Variants in MGAT3 observed in about 807,000 individuals in gnomAD.
MGAT3 encodes the protein beta-1,4-mannosyl-glycoprotein 4-beta-N-acetylglucosaminyltransferase.
Under a neutral mutation model 29.8 loss-of-function variants are expected in MGAT3, and 9 were observed. The ratio of observed to expected loss-of-function variants is 0.30; its 90% confidence interval spans 0.18 to 0.53. The LOEUF (loss-of-function observed/expected upper bound fraction) is 0.53. Among genes scored for constraint, MGAT3 ranks in the 20% least tolerant of loss-of-function variants. MGAT3 has a pLI of 0.96. For missense variants in MGAT3, 557 were observed against 769.5 expected, an observed-to-expected ratio of 0.72 and a Z score of 3.27; for synonymous variants, 397 against 348.9, an observed-to-expected ratio of 1.14 and a Z score of -1.54.
intron 1 of MGAT3, among the ~76,000 whole-genome samples, chr22:39,474,465 TTGAGGCCCTGTGTGCCTGTGGGGG>T (rs1928894663): frequency 6.6e-6 from 1 of 152,168 alleles, no homozygotes; most frequent in Admixed American, 6.5e-5. Flanking sequence ...AGCTGCGAGT[TTGAGGCCCTGTGTGCCTGTGGGGG>T]TGGAATGAAG....
At position 39,490,371 on chromosome 22, in the gene MGAT3, C is replaced by T. The variant is rs1255129766; in HGVS notation, c.*1422C>T. 1 of 167,210 alleles carries T rather than the reference C, an allele frequency of 6.0e-6. No individual in the cohort carries two copies. Among genetic ancestry groups the T allele is most frequent in the African/African-American group, 2.4e-5 (1 of 41,574 alleles). 10.4% of individuals were successfully genotyped at this position (167,210 alleles called of 1,614,324 possible). On this transcript the variant is annotated 3_prime_UTR_variant, in exon 2 of 2. Transcript: ENST00000341184. ...ATGGCCACAAGCAGCTGCTAGGGAA[C>T]CTGGGAAGTGTAGTCTTCAGCGGGG... is the stretch of plus-strand genomic sequence containing the variant.
chr22:39,467,726 TGTTTC>T (rs905213087), intron 1 of MGAT3, among the ~76,000 whole-genome samples: 13 of 150,352 alleles, frequency 8.6e-5, no homozygotes, highest in South Asian at 2.1e-4. Flanking sequence ...TGTTTCGTTT[TGTTTC>T]GTTTCGTTTC....
rs752093010 is a variant in MGAT3, at chr22:39,490,252, T to C, written c.*1303T>C. 6.0e-5 allele frequency: 10 copies of C among 166,982 alleles called. No homozygotes were observed. Among genetic ancestry groups the C allele is most frequent in the Non-Finnish European group, 1.5e-4 (10 of 68,100 alleles). The allele number at this position is 166,982 out of a possible 1,614,324, so 10.3% of individuals were successfully genotyped here. A position where few individuals can be genotyped will look rare whatever the true frequency, so the allele number is the denominator to read the frequency against. Reference sequence around the variant, plus strand: ...CATCCAAGCCTGGGGGAAGCAGAAATAGACAAGAGGGCACACCCACTTTTT... The same window carrying C: ...CATCCAAGCCTGGGGGAAGCAGAAACAGACAAGAGGGCACACCCACTTTTT... On this transcript the variant is annotated 3_prime_UTR_variant, in exon 2 of 2. Transcript: ENST00000341184.
In MGAT3 at chr22:39,474,982, C is replaced by A. The variant is rs184314423; in HGVS notation, c.-1-12365C>A. 7.2e-4 allele frequency among the ~76,000 whole-genome samples: 109 copies of A among 152,236 alleles called. 1 individual carries two copies. The East Asian group carries it at 0.019, about 26-fold the overall frequency. On this transcript the variant is annotated intron_variant, in intron 1 of 1. Coordinates refer to ENST00000341184, the MANE Select transcript of MGAT3 (RefSeq NM_002409.5). ...GGACTGAGGATCCGAGATGGAAAAG[C>A]CCCAGCCCAGCGCCCCTGCCTTCCT... is the stretch of plus-strand genomic sequence containing the variant.
chr22:39,487,328 G>GTC lies in MGAT3; in HGVS notation c.-1-8_-1-7dup, dbSNP rs536905093. On this transcript the variant is annotated intron_variant, in intron 1 of 1. Transcript: ENST00000341184. This position sits in a 1 kb window ranked among gnomAD's most constrained non-coding sequence, Gnocchi z 5.7. ...CCTGGGCTGCCCTGATGAGTCTCCTGTCTCTCTCTCTCCCGCAGGATGAAG... is the reference window on the plus strand; with the variant it reads ...CCTGGGCTGCCCTGATGAGTCTCCTGTCTCTCTCTCTCTCCCGCAGGATGAAG... 6,119 of 1,600,474 alleles carry GTC rather than the reference G, an allele frequency of 3.8e-3. 24 individuals carry two copies. The highest frequency in any genetic ancestry group is 4.6e-3 in the Non-Finnish European group (5,380 of 1,173,836).
intron 1 of MGAT3, among the ~76,000 whole-genome samples, chr22:39,468,751 G>T (rs901375137): frequency 1.3e-5 from 2 of 152,002 alleles, no homozygotes; most frequent in African/African-American, 2.4e-5. Context: ...GGGGCTCAGT[G>T]CTTGAGGCTG....
intron 1 of MGAT3, among the ~76,000 whole-genome samples, chr22:39,482,602 C>T (rs567791615): frequency 6.6e-6 from 1 of 152,278 alleles, no homozygotes; most frequent in East Asian, 1.9e-4. Context: ...AGTGCCAGTG[C>T]TTATTTATTC....
chr22:39,475,390 C>T (rs1376537007), intron 1 of MGAT3, among the ~76,000 whole-genome samples: 1 of 151,978 alleles, frequency 6.6e-6, no homozygotes, highest in Non-Finnish European at 1.5e-5. Flanking sequence ...TGTGTCTGTA[C>T]ATCTGTGTAT....
chr22:39,476,492 A>C (rs1361055622), intron 1 of MGAT3: 1 of 152,150 alleles, frequency 6.6e-6, no homozygotes, highest in Non-Finnish European at 1.5e-5. Context: ...CAAGGATTTG[A>C]CTCTGGCCAT....
intron 1 of MGAT3, among the ~76,000 whole-genome samples, chr22:39,472,042 G>A (rs1220129062): frequency 6.6e-6 from 1 of 152,032 alleles, no homozygotes; most frequent in Non-Finnish European, 1.5e-5. Context: ...TCAAAGCTCT[G>A]GGCTCAGCCT....
intron 1 of MGAT3, among the ~76,000 whole-genome samples, chr22:39,485,588 C>G (rs113627475): frequency 0.011 from 1,719 of 152,214 alleles, 34 homozygotes; most frequent in African/African-American, 0.038. Context: ...GTCAGGAGTT[C>G]GAGACCTGCC....
chr22:39,483,910 G>A (rs1929196565), intron 1 of MGAT3, among the ~76,000 whole-genome samples: 1 of 152,214 alleles, frequency 6.6e-6, no homozygotes, highest in Admixed American at 6.5e-5. Context: ...CAGCTCCAGG[G>A]GGGCAGGCGT....
chr22:39,487,524 G>T lies in MGAT3; in HGVS notation c.177G>T (p.Gln59His). The T allele has an allele frequency of 6.2e-7, 1 of 1,613,010 alleles. No individual in the cohort carries two copies. Among genetic ancestry groups the T allele is most frequent in the Non-Finnish European group, 8.5e-7 (1 of 1,179,960 alleles). The change falls in exon 2 of 2, where the codon CAG (glutamine) becomes CAT (histidine). Residue 59 changes from glutamine (Q) to histidine (H), a missense_variant. Gln to His is a conservative substitution (Grantham distance 24, BLOSUM62 0). Around this residue, in one of 3 missense-constraint regions of MGAT3, gnomAD observed 212 missense variants for 228.5 expected, o/e 0.93. Transcript: ENST00000341184. This position sits in a 1 kb window ranked among gnomAD's most constrained non-coding sequence, Gnocchi z 5.7. The stretch of plus-strand genomic sequence containing the variant: ...GGAACAATGCCCCGGTCACGCCCCA[G>T]GCCAGCCCCGAGCCAGGAGGCCCTG... ...FFWNNAPVTP[Q>H]ASPEPGGPDL... is the part of the protein sequence containing the mutation.
intron 1 of MGAT3, among the ~76,000 whole-genome samples, chr22:39,461,904 CTT>C (rs112513722): frequency 1.4e-5 from 2 of 147,062 alleles, no homozygotes; most frequent in African/African-American, 2.5e-5. Context: ...CTGACCCACT[CTT>C]TTTTTTTTTT....
intron 1 of MGAT3, among the ~76,000 whole-genome samples, chr22:39,470,549 G>A (rs759518927): frequency 1.3e-5 from 2 of 152,186 alleles, no homozygotes; most frequent in Non-Finnish European, 2.9e-5. Flanking sequence ...AGGGAGATGT[G>A]GCCTGATGGG....
chr22:39,465,283 G>T (rs1381530354), intron 1 of MGAT3, among the ~76,000 whole-genome samples: 1 of 152,174 alleles, frequency 6.6e-6, no homozygotes, highest in East Asian at 1.9e-4. Flanking sequence ...GGCACTCTGG[G>T]TAAGTTTCCC....
At position 39,481,010 on chromosome 22, in the gene MGAT3, A is replaced by G. The variant is rs962019895; in HGVS notation, c.-1-6337A>G. Among the ~76,000 whole-genome samples, 12 of 152,178 alleles carry G rather than the reference A, an allele frequency of 7.9e-5. No homozygotes were observed. In the East Asian group the frequency reaches 2.1e-3, roughly 27 times the overall value. ...CCCATTCATTCTCAGCAGAGCAGCCAAAGTGAGCCATTCACACCAAGGTCA... is the reference window on the plus strand; with the variant it reads ...CCCATTCATTCTCAGCAGAGCAGCCGAAGTGAGCCATTCACACCAAGGTCA... On this transcript the variant is annotated intron_variant, in intron 1 of 1. Coordinates refer to ENST00000341184, the MANE Select transcript of MGAT3 (RefSeq NM_002409.5).
At chr22:39,465,866 A>G (rs1928630250) in intron 1 of MGAT3, among the ~76,000 whole-genome samples, 1 of 151,842 alleles carries the variant, frequency 6.6e-6, no homozygotes, top group South Asian at 2.1e-4. Context: ...TGGGCGGCAG[A>G]AGTTGCAGTG....
intron 1 of MGAT3, among the ~76,000 whole-genome samples, chr22:39,465,931 TAAAAA>T (rs747945527): frequency 8.5e-6 from 1 of 117,668 alleles, no homozygotes; most frequent in Non-Finnish European, 1.8e-5. Flanking sequence ...GACTCCGTCT[TAAAAA>T]AAAAAAAAAA....
Sources: gnomAD v4.1 joint callset for allele counts (sites outside exome capture counted in the v4.1 genomes callset) on GRCh38, gnomAD v4.1.1 for gene constraint, gnomAD v4.1.1 regional missense constraint, Gnocchi (gnomAD v3.1) non-coding constraint, MANE v1.5 for transcripts, NCBI Gene and HGNC (gene_info 2026-07-23, HGNC 2026-07-21) for gene names.